Variants in COL4A2 observed in about 807,000 individuals in gnomAD.
COL4A2 encodes the protein collagen type IV alpha 2 chain.
In COL4A2, 99 loss-of-function variants were observed where a neutral mutation model predicts 200.2. That is an observed-to-expected ratio of 0.49 (90% CI 0.42 to 0.58). The LOEUF (loss-of-function observed/expected upper bound fraction) is 0.58, where lower values mean the gene tolerates loss of function less well. Ranked by LOEUF, COL4A2 falls within the 20% of genes least tolerant of loss-of-function variation. The probability of loss-of-function intolerance (pLI) is 0.00; values close to 1 mark genes in which losing one functional copy is unlikely to be tolerated. For missense variants in COL4A2, 1,950 were observed against 2,314.1 expected (o/e 0.84, Z 3.23); for synonymous variants, 897 against 900.6 (o/e 1.00, Z 0.07).
At chr13:110,338,273 A>G (rs1876291201) in intron 3 of COL4A2, among the ~76,000 whole-genome samples, 1 of 152,226 alleles carries the variant, frequency 6.6e-6, no homozygotes, top group Admixed American at 6.5e-5. Context: ...GAAGGCTCCA[A>G]TGGTGAGCTT....
chr13:110,461,735 A>C (rs1882033155), intron 22 of COL4A2, among the ~76,000 whole-genome samples: 1 of 152,170 alleles, frequency 6.6e-6, no homozygotes, highest in Non-Finnish European at 1.5e-5. Flanking sequence ...AGGTTTCACC[A>C]TGTTGGCCAG....
intron 40 of COL4A2, 21 bp from the exon 41 acceptor site, chr13:110,501,647 T>A: frequency 6.3e-7 from 1 of 1,589,170 alleles, no homozygotes; most frequent in Non-Finnish European, 8.6e-7. Flanking sequence ...TGAAAATAAT[T>A]TCTTCTGTTT....
intron 16 of COL4A2, among the ~76,000 whole-genome samples, chr13:110,440,766 C>T (rs1213434303): frequency 2.0e-5 from 3 of 152,274 alleles, no homozygotes; most frequent in South Asian, 4.1e-4. Context: ...ACAGCACACG[C>T]CTCCTACGGC....
At chr13:110,360,310 T>C (rs1877461091) in intron 4 of COL4A2, among the ~76,000 whole-genome samples, 1 of 152,230 alleles carries the variant, frequency 6.6e-6, no homozygotes, top group African/African-American at 2.4e-5. Context: ...ATCTGTTCTT[T>C]TCACTTTCTA....
intron 3 of COL4A2, among the ~76,000 whole-genome samples, 175 bp downstream of exon 3, chr13:110,308,298 C>G (rs539651716): frequency 6.6e-6 from 1 of 152,276 alleles, no homozygotes; most frequent in South Asian, 2.1e-4. Flanking sequence ...TCATGCTTTC[C>G]ACCTTTCCTT....
chr13:110,360,656 T>A (rs554016738), intron 4 of COL4A2, among the ~76,000 whole-genome samples: 120 of 152,368 alleles, frequency 7.9e-4, no homozygotes, highest in African/African-American at 2.8e-3. Context: ...TCTGATTAAC[T>A]TGAGTAATCC....
chr13:110,434,535 C>G, intron 12 of COL4A2, 93 bp downstream of exon 12: 1 of 1,349,898 alleles, frequency 7.4e-7, no homozygotes, highest in South Asian at 1.2e-5. Flanking sequence ...TGCTGTAAAA[C>G]TTTTACCTTG....
chr13:110,465,505 C>T lies in COL4A2; in HGVS notation c.1877C>T (p.Pro626Leu). 4 of 1,614,040 alleles carry T rather than the reference C, an allele frequency of 2.5e-6. No individual in the cohort carries two copies. The highest frequency in any genetic ancestry group is 3.4e-6 in the Non-Finnish European group (4 of 1,180,026). Residue 626 changes from proline (P) to leucine (L), a missense_variant, in exon 25 of 48, where the codon CCC becomes CTC. By Grantham distance (98) the Pro-to-Leu change is moderately conservative. This residue lies in a region of COL4A2 where 1,385 missense variants were observed against 1,720.5 expected (regional missense o/e 0.80). Coordinates refer to ENST00000360467, the MANE Select transcript of COL4A2 (RefSeq NM_001846.4). Reference protein sequence around the residue: ...GEMGPPGLGLPGLKGQRGFPG... With the variant: ...GEMGPPGLGLLGLKGQRGFPG... ...ATGGGCCCCCCAGGACTGGGCCTTCCCGGCCTCAAAGGCCAACGTGGTTTC... is the reference window on the plus strand; with the variant it reads ...ATGGGCCCCCCAGGACTGGGCCTTCTCGGCCTCAAAGGCCAACGTGGTTTC...
rs780429644 is a variant in COL4A2 at position 110,458,782 on chromosome 13, G to T, written c.1444G>T (p.Glu482Ter). 1 of 1,614,084 alleles carries T rather than the reference G, an allele frequency of 6.2e-7. No individual in the cohort carries two copies. Residue 482 changes from glutamate to a stop codon, truncating the protein, a stop_gained, in exon 22 of 48, where the codon GAA becomes TAA. Transcript: ENST00000360467. LOFTEE classifies it high-confidence loss of function. ...GPKGWKGDAGECRCTEGDEAI... is the reference protein window; with the variant it reads ...GPKGWKGDAG ...TCCCTCCTCTGCAGGTGACGCTGGGGAATGCAGATGTACAGAAGGCGACGA... is the reference window on the plus strand; with the variant it reads ...TCCCTCCTCTGCAGGTGACGCTGGGTAATGCAGATGTACAGAAGGCGACGA...
At chr13:110,500,722 T>G (rs1883608226) in intron 40 of COL4A2, among the ~76,000 whole-genome samples, 1 of 152,234 alleles carries the variant, frequency 6.6e-6, no homozygotes, top group Non-Finnish European at 1.5e-5. Context: ...ACAAGATGTT[T>G]GTCAATGATC....
chr13:110,460,389 C>G (rs569471658), intron 22 of COL4A2, among the ~76,000 whole-genome samples: 2 of 152,188 alleles, frequency 1.3e-5, no homozygotes, highest in African/African-American at 4.8e-5. Context: ...AAAAAGGATG[C>G]GATCTCTGAA....
At chr13:110,365,074 A>G (rs1274164139) in intron 4 of COL4A2, among the ~76,000 whole-genome samples, 3 of 152,096 alleles carry the variant, frequency 2.0e-5, no homozygotes, top group Admixed American at 2.0e-4. Flanking sequence ...TTAGTAGCCA[A>G]CTGTGGCTAT....
chr13:110,309,694 A>G (rs1404791282), intron 3 of COL4A2, among the ~76,000 whole-genome samples: 1 of 152,164 alleles, frequency 6.6e-6, no homozygotes, highest in Non-Finnish European at 1.5e-5. Context: ...AGGTCTAAAG[A>G]TCTAGGTATT....
chr13:110,484,072 C>T (rs1205153427), intron 32 of COL4A2, among the ~76,000 whole-genome samples: 2 of 144,854 alleles, frequency 1.4e-5, no homozygotes, highest in Non-Finnish European at 3.0e-5. Flanking sequence ...TTCCTGTTAG[C>T]AGAGATTTCA....
At chr13:110,400,944 GGGGCTTCC>G (rs1319928711) in intron 4 of COL4A2, among the ~76,000 whole-genome samples, 1 of 152,216 alleles carries the variant, frequency 6.6e-6, no homozygotes, top group Non-Finnish European at 1.5e-5. Flanking sequence ...TGTAGCTCTT[GGGGCTTCC>G]ATTGCCTCCT....
intron 4 of COL4A2, among the ~76,000 whole-genome samples, chr13:110,395,556 T>C (rs1227069617): frequency 6.6e-6 from 1 of 152,220 alleles, no homozygotes; most frequent in Non-Finnish European, 1.5e-5. Flanking sequence ...TTTTACATTT[T>C]TAGATGTGGT....
intron 3 of COL4A2, among the ~76,000 whole-genome samples, chr13:110,323,181 T>TG (rs1415347881): frequency 6.6e-6 from 1 of 152,206 alleles, no homozygotes; most frequent in Non-Finnish European, 1.5e-5. Flanking sequence ...CCACAGGGGT[T>TG]GGGAGCTACA....
At chr13:110,438,091 C>G in intron 14 of COL4A2, 54 bp downstream of exon 14, 1 of 1,497,902 alleles carries the variant, frequency 6.7e-7, no homozygotes, top group Non-Finnish European at 9.3e-7. Flanking sequence ...GCTGTCGGCG[C>G]TCTGCCAGGC....
intron 47 of COL4A2, among the ~76,000 whole-genome samples, chr13:110,509,267 A>G (rs1414094809): frequency 1.6e-5 from 2 of 122,830 alleles, no homozygotes; most frequent in African/African-American, 3.5e-5. Context: ...ATATATATAT[A>G]TATACACACA....
Sources: gnomAD v4.1 joint callset for allele counts (sites outside exome capture counted in the v4.1 genomes callset) on GRCh38, gnomAD v4.1.1 for gene constraint, gnomAD v4.1.1 regional missense constraint, MANE v1.5 for transcripts, NCBI Gene and HGNC (gene_info 2026-07-23, HGNC 2026-07-21) for gene names.